XPNPEP2: variants seen among roughly 807,000 people sequenced by gnomAD.
XPNPEP2 encodes the protein xaa-Pro aminopeptidase 2.
In XPNPEP2, 64 loss-of-function variants were observed where a neutral mutation model predicts 59.8. The observed-to-expected ratio is 1.07, with a 90% CI of 0.87 to 1.32. XPNPEP2 has a LOEUF of 1.32. XPNPEP2 is among the 40% of genes most tolerant of loss of function. XPNPEP2 has a pLI of 0.00. For missense variants in XPNPEP2, 575 were observed against 546.8 expected, an observed-to-expected ratio of 1.05 and a Z score of -0.51; for synonymous variants, 235 against 210.0, an observed-to-expected ratio of 1.12 and a Z score of -1.03.
intron 14 of XPNPEP2, among the ~76,000 whole-genome samples, chrX:129,758,637 G>A (rs768631400): frequency 8.9e-6 from 1 of 112,108 alleles, no homozygotes; most frequent in African/African-American, 3.2e-5. Context: ...CTTCACTGAG[G>A]TTCAGAGAGG....
intron 1 of XPNPEP2, among the ~76,000 whole-genome samples, chrX:129,741,172 T>TGA (rs35266895): frequency 1.1e-5 from 1 of 88,351 alleles, no homozygotes; most frequent in East Asian, 4.8e-4. Context: ...CAATGAATAT[T>TGA]GGGGGGGGGT....
intron 11 of XPNPEP2, 36 bp from the exon 12 acceptor site, chrX:129,754,436 C>A: frequency 1.8e-6 from 2 of 1,137,294 alleles, no homozygotes; most frequent in Non-Finnish European, 2.3e-6. Flanking sequence ...CCAGACCTCA[C>A]CCGGCTCCTC....
intron 2 of XPNPEP2, among the ~76,000 whole-genome samples, chrX:129,742,692 A>G (rs1926216511): frequency 9.0e-6 from 1 of 111,085 alleles, no homozygotes; most frequent in Non-Finnish European, 1.9e-5. Context: ...ACCTGAGGTC[A>G]GGAGTTCGAG....
chrX:129,752,184 A>T lies in XPNPEP2; in HGVS notation c.856A>T (p.Thr286Ser), dbSNP rs202174306. 1.7e-6 allele frequency: 2 copies of T among 1,209,693 alleles called. No individual in the cohort carries two copies. Among genetic ancestry groups the T allele is most frequent in the East Asian group, 5.9e-5 (2 of 33,744 alleles). ...AAACAAGAGTCGCTTTAGCTCCGAA[A>T]CCTTGAGCTATCTGAACTCCAGTTG... ...FANKSRFSSE[T>S]LSYLNSSCTG... The change falls in exon 10 of 21, where the codon ACC becomes TCC. Residue 286 changes from threonine (T) to serine (S), a missense_variant. By Grantham distance (58) the Thr-to-Ser change is moderately conservative (BLOSUM62 1). Transcript: ENST00000371106.
At chrX:129,745,584 G>A (rs761723958) in intron 4 of XPNPEP2, among the ~76,000 whole-genome samples, 7 of 111,727 alleles carry the variant, frequency 6.3e-5, no homozygotes, top group South Asian at 3.7e-4. Context: ...ACCTCTAACC[G>A]CTAAGAACCC....
At position 129,739,079 on chromosome X, in the gene XPNPEP2, C is replaced by T. The variant is rs139852827; in HGVS notation, c.-135C>T. ...AAGCACTCTCCACCCAGCAGCCAGACGCCTCCTTCTTGACGCCAGCCCCCA... is the reference window on the plus strand; with the variant it reads ...AAGCACTCTCCACCCAGCAGCCAGATGCCTCCTTCTTGACGCCAGCCCCCA... On this transcript the variant is annotated 5_prime_UTR_variant, in exon 1 of 21. In the 5' UTR this introduces an upstream ATG that the reference lacks. Transcript: ENST00000371106. The T allele has an allele frequency of 5.0e-4, 310 of 618,548 alleles. 1 individual carries two copies. In the East Asian group the frequency reaches 6.4e-3, roughly 13 times the overall value. The allele number at this position is 618,548 out of a possible 1,213,427, so 51.0% of individuals were successfully genotyped here. A position where few individuals can be genotyped will look rare whatever the true frequency, so the allele number is the denominator to read the frequency against.
intron 11 of XPNPEP2, among the ~76,000 whole-genome samples, chrX:129,754,151 A>G (rs1926471972): frequency 8.9e-6 from 1 of 111,876 alleles, no homozygotes; most frequent in Non-Finnish European, 1.9e-5. Flanking sequence ...TCCAGCTTCA[A>G]TAATCCTTGA....
chrX:129,763,031 C>T (rs1441435029), intron 19 of XPNPEP2, among the ~76,000 whole-genome samples: 1 of 111,949 alleles, frequency 8.9e-6, no homozygotes, highest in Non-Finnish European at 1.9e-5. Flanking sequence ...GTATCCCTGC[C>T]CTATATCATT....
intron 1 of XPNPEP2, 75 bp from the exon 2 acceptor site, chrX:129,742,028 GCGGGC>G: frequency 1.0e-6 from 1 of 963,350 alleles, no homozygotes; most frequent in Non-Finnish European, 1.5e-6. Flanking sequence ...GCCCCGTGGG[GCGGGC>G]TGAGAGGATA....
intron 1 of XPNPEP2, among the ~76,000 whole-genome samples, chrX:129,740,275 C>T (rs1040435429): frequency 4.4e-5 from 5 of 112,526 alleles, no homozygotes; most frequent in Non-Finnish European, 7.5e-5. Context: ...GATAAAATCA[C>T]ACAGGACGTT....
intron 17 of XPNPEP2, among the ~76,000 whole-genome samples, chrX:129,761,691 G>T (rs1430968607): frequency 8.9e-6 from 1 of 112,146 alleles, no homozygotes; most frequent in African/African-American, 3.2e-5. Flanking sequence ...AGGTATGGTG[G>T]CATGTGCCTG....
intron 2 of XPNPEP2, 113 bp downstream of exon 2, chrX:129,742,294 A>C: frequency 8.4e-6 from 3 of 359,077 alleles, no homozygotes; most frequent in Non-Finnish European, 4.8e-6. Context: ...CATCTTCTCT[A>C]TCCCTCATTG....
At position 129,739,152 on chromosome X, in the gene XPNPEP2, G is replaced by A. The variant is rs1230088678; in HGVS notation, c.-62G>A. On this transcript the variant is annotated 5_prime_UTR_variant, in exon 1 of 21. Coordinates refer to ENST00000371106, the MANE Select transcript of XPNPEP2 (RefSeq NM_003399.6). ...GAAAGGCCTGAAGGAAGAGGCCGGG[G>A]AAAGAGCCCTCCCTCTCTCCCTTGT... 2.9e-5 allele frequency: 33 copies of A among 1,135,773 alleles called. No individual in the cohort carries two copies. Among genetic ancestry groups the A allele is most frequent in the East Asian group, 6.0e-5 (2 of 33,312 alleles). 93.6% of individuals were successfully genotyped at this position (1,135,773 alleles called of 1,213,427 possible).
At position 129,745,185 on chromosome X, in the gene XPNPEP2, GTGT is replaced by G. The variant is rs765968022; in HGVS notation, c.235-12_235-10del. 6.6e-6 allele frequency: 8 copies of G among 1,209,228 alleles called. No individual in the cohort carries two copies. Among genetic ancestry groups the G allele is most frequent in the Non-Finnish European group, 8.9e-6 (8 of 894,768 alleles). On this transcript the variant is annotated splice_polypyrimidine_tract_variant and intron_variant, in intron 3 of 20. Transcript: ENST00000371106. Reference sequence around the variant, plus strand: ...GATACCACGAAAAAGGCTAATGATGGTGTTGTTGATTTCCTAGAACGAGTACAT... The same window carrying G: ...GATACCACGAAAAAGGCTAATGATGGTGTTGATTTCCTAGAACGAGTACAT...
chrX:129,764,920 C>T (rs1926720653), intron 19 of XPNPEP2, among the ~76,000 whole-genome samples: 1 of 110,961 alleles, frequency 9.0e-6, no homozygotes, highest in Non-Finnish European at 1.9e-5. Flanking sequence ...GCCAAGATCA[C>T]ACCACTGCAC....
At position 129,741,386 on chromosome X, in the gene XPNPEP2, A is replaced by C. The variant is rs577540319; in HGVS notation, c.50-722A>C. On this transcript the variant is annotated intron_variant, in intron 1 of 20. Coordinates refer to ENST00000371106, the MANE Select transcript of XPNPEP2 (RefSeq NM_003399.6). The stretch of plus-strand genomic sequence containing the variant: ...TCTACCACTGACTCCTGGTGGCACA[A>C]GTTAGACAAGTTACCAAATCTATCT... 3.8e-4 allele frequency among the ~76,000 whole-genome samples: 43 copies of C among 112,355 alleles called. 1 individual carries two copies. The South Asian group carries it at 0.015, about 39-fold the overall frequency.
chrX:129,764,655 CAAA>C (rs36050746), intron 19 of XPNPEP2, among the ~76,000 whole-genome samples: 13 of 80,131 alleles, frequency 1.6e-4, no homozygotes, highest in African/African-American at 4.6e-4. Flanking sequence ...AACTCTGTCT[CAAA>C]AAAAAAAAAA....
At chrX:129,739,286 G>A (rs1174070692) in intron 1 of XPNPEP2, 24 bp downstream of exon 1, 2 of 1,204,061 alleles carry the variant, frequency 1.7e-6, no homozygotes, top group Admixed American at 2.2e-5. Flanking sequence ...AGCTTCCACT[G>A]GAAGGCAGCT....
At chrX:129,740,201 T>C (rs1045315643) in intron 1 of XPNPEP2, among the ~76,000 whole-genome samples, 10 of 112,997 alleles carry the variant, frequency 8.8e-5, no homozygotes, top group Non-Finnish European at 1.7e-4. Context: ...TCTACAGAAA[T>C]GGGTGTTTGT....
Sources: allele counts gnomAD v4.1 joint callset (sites outside exome capture counted in the v4.1 genomes callset), GRCh38; gene constraint gnomAD v4.1.1; transcripts MANE v1.5; gene names NCBI Gene and HGNC (gene_info 2026-07-23, HGNC 2026-07-21).